Variants in TBX4 observed in about 807,000 individuals in gnomAD.
TBX4 encodes the protein T-box transcription factor TBX4.
TBX4 carries 13 observed loss-of-function variants against 54.6 expected under a neutral mutation model. The ratio of observed to expected loss-of-function variants is 0.24; its 90% CI spans 0.15 to 0.38. The LOEUF (loss-of-function observed/expected upper bound fraction) is 0.38, where lower values mean the gene tolerates loss of function less well. TBX4 is among the 10% of genes least tolerant of loss of function. The probability of loss-of-function intolerance (pLI) is 1.00; values close to 1 mark genes in which losing one functional copy is unlikely to be tolerated. For missense variants in TBX4, 631 were observed against 728.5 expected (o/e 0.87, Z 1.54); for synonymous variants, 314 against 306.7 (o/e 1.02, Z -0.25).
At chr17:61,468,582 C>T (rs1465710072) in intron 5 of TBX4, among the ~76,000 whole-genome samples, 3 of 152,194 alleles carry the variant, frequency 2.0e-5, no homozygotes, top group African/African-American at 7.2e-5. Context: ...TCCAGCCATG[C>T]TTCTTTTCTG....
At chr17:61,455,261 C>T (rs1344876977) in intron 1 of TBX4, among the ~76,000 whole-genome samples, 1 of 152,102 alleles carries the variant, frequency 6.6e-6, no homozygotes, top group South Asian at 2.1e-4. Flanking sequence ...ACAAGATGGG[C>T]GAGAGGCCTG....
rs1201139684 is a variant in TBX4 at position 61,483,097 on chromosome 17, G to C, written c.1222G>C (p.Val408Leu). ...GCCCGAGATTGCCGGGGTGTCTGGG[G>C]TGGACGACCTGCCCCCACCTCCGCT... ...SGPEIAGVSG[V>L]DDLPPPPLSC... Residue 408 changes from valine (V) to leucine (L), a missense_variant, in exon 9 of 9, where the codon GTG (valine) becomes CTG (leucine). Coordinates refer to ENST00000644296, the MANE Select transcript of TBX4 (RefSeq NM_001321120.2). This position sits in a 1 kb window ranked among gnomAD's most constrained non-coding sequence, Gnocchi z 6.6. The C allele has an allele frequency of 2.5e-6, 4 of 1,614,110 alleles. No homozygotes were observed. Among genetic ancestry groups the C allele is most frequent in the Non-Finnish European group, 3.4e-6 (4 of 1,180,032 alleles).
In TBX4 at chr17:61,459,156, T is replaced by C. The variant is rs1402656929; in HGVS notation, c.281+1525T>C. On this transcript the variant is annotated intron_variant, in intron 3 of 8. Transcript: ENST00000644296. This position sits in a 1 kb window ranked among gnomAD's most constrained non-coding sequence, Gnocchi z 4.8. The stretch of plus-strand genomic sequence containing the variant: ...GAAGGGGCTGGCAGAGGGTGCGACA[T>C]GGAGCAGGCATTGAGGACAGTGGAA... Among the ~76,000 whole-genome samples, 1 of 152,234 alleles carries C rather than the reference T, an allele frequency of 6.6e-6. No individual in the cohort carries two copies. The highest frequency in any genetic ancestry group is 1.5e-5 in the Non-Finnish European group (1 of 68,044).
chr17:61,481,163 C>T lies in TBX4; in HGVS notation c.1021+844C>T, dbSNP rs931780501. Among the ~76,000 whole-genome samples the T allele has an allele frequency of 1.3e-5, 2 of 152,126 alleles. No individual in the cohort carries two copies. The highest frequency in any genetic ancestry group is 1.3e-4 in the Admixed American group (2 of 15,266). On this transcript the variant is annotated intron_variant, in intron 8 of 8. Coordinates refer to ENST00000644296, the MANE Select transcript of TBX4 (RefSeq NM_001321120.2). The surrounding 1 kb of genome is among the most constrained non-coding windows in gnomAD (Gnocchi z 4.8). ...GCACGGGTTGGCAAACTGTGGCCTT[C>T]GGACCTAACCCAGCCTGCTACCTGT...
intron 4 of TBX4, 150 bp downstream of exon 4, chr17:61,466,088 G>T: frequency 7.5e-7 from 1 of 1,330,224 alleles, no homozygotes; most frequent in African/African-American, 1.4e-5. Context: ...TGGCTGTGCG[G>T]AGGCTGAGGT....
rs2060487357 is a variant in TBX4, at chr17:61,460,544, G to A, written c.281+2913G>A. Among the ~76,000 whole-genome samples, 1 of 152,124 alleles carries A rather than the reference G, an allele frequency of 6.6e-6. No homozygotes were observed. Among genetic ancestry groups the A allele is most frequent in the Non-Finnish European group, 1.5e-5 (1 of 68,030 alleles). ...TTTCTGAATACTCAGCGACCTCCAT[G>A]TCAGGTGTGAAATGGGGGCCACAGC... On this transcript the variant is annotated intron_variant, in intron 3 of 8. Transcript: ENST00000644296. This position sits in a 1 kb window ranked among gnomAD's most constrained non-coding sequence, Gnocchi z 4.4.
rs745791793 is a variant in TBX4 at position 61,483,113 on chromosome 17, C to A, written c.1238C>A (p.Pro413Gln). 1.9e-6 allele frequency: 3 copies of A among 1,614,058 alleles called. No homozygotes were observed. Among genetic ancestry groups the A allele is most frequent in the African/African-American group, 1.3e-5 (1 of 74,916 alleles). ...GTGTCTGGGGTGGACGACCTGCCCC[C>A]ACCTCCGCTGAGCTGTAACATGTGG... Reference protein sequence around the residue: ...AGVSGVDDLPPPPLSCNMWTS... With the variant: ...AGVSGVDDLPQPPLSCNMWTS... Residue 413 changes from proline to glutamine, a missense_variant, in exon 9 of 9, where the codon CCA becomes CAA. Around this residue, in one of 3 missense-constraint regions of TBX4, gnomAD observed 354 missense variants for 368.9 expected, o/e 0.96. Transcript: ENST00000644296. The surrounding 1 kb of genome is among the most constrained non-coding windows in gnomAD (Gnocchi z 6.6).
chr17:61,467,806 C>T, intron 5 of TBX4, 149 bp downstream of exon 5: 1 of 967,950 alleles, frequency 1.0e-6, no homozygotes, highest in Non-Finnish European at 1.5e-6. Flanking sequence ...GAGCTCAAGC[C>T]TCTGAGGCCT....
chr17:61,472,125 ATTC>A lies in TBX4; in HGVS notation c.549+4471_549+4473del, dbSNP rs1174474891. Among the ~76,000 whole-genome samples, 27 of 151,964 alleles carry A rather than the reference ATTC, an allele frequency of 1.8e-4. No individual in the cohort carries two copies. Among genetic ancestry groups the A allele is most frequent in the Admixed American group, 1.8e-3 (27 of 15,268 alleles). On this transcript the variant is annotated intron_variant, in intron 5 of 8. Coordinates refer to ENST00000644296, the MANE Select transcript of TBX4 (RefSeq NM_001321120.2). The surrounding 1 kb of genome is among the most constrained non-coding windows in gnomAD (Gnocchi z 4.5). ...TGTTGAAGGAATTAGATGTTTTTTT[ATTC>A]TTTGCTCTTCTGATTAAGCTTGTAC...
At position 61,478,900 on chromosome 17, in the gene TBX4, A is replaced by G; in HGVS notation, c.702+121A>G. On this transcript the variant is annotated intron_variant, in intron 6 of 8. Coordinates refer to ENST00000644296, the MANE Select transcript of TBX4 (RefSeq NM_001321120.2). The surrounding 1 kb of genome is among the most constrained non-coding windows in gnomAD (Gnocchi z 7.4). ...AGCAGGGCTTGGGCAGGCCCAGTGC[A>G]GGGACCTCAGAAGCCTAGAGTCCCT... The G allele has an allele frequency of 6.6e-7, 1 of 1,511,560 alleles. No homozygotes were observed. The highest frequency in any genetic ancestry group is 1.7e-5 in the Admixed American group (1 of 58,564). The allele number at this position is 1,511,560 out of a possible 1,614,324, so 93.6% of individuals were successfully genotyped here.
In TBX4 at chr17:61,461,876, A is replaced by C. The variant is rs930516538; in HGVS notation, c.282-3943A>C. 2.0e-5 allele frequency among the ~76,000 whole-genome samples: 3 copies of C among 151,814 alleles called. No individual in the cohort carries two copies. The highest frequency in any genetic ancestry group is 2.9e-5 in the Non-Finnish European group (2 of 67,944). ...TGGAGTCCCCAGGGACCTCCGAGAAAGTCGGGGCTGCAGCGGGGTTGGGGC... is the reference window on the plus strand; with the variant it reads ...TGGAGTCCCCAGGGACCTCCGAGAACGTCGGGGCTGCAGCGGGGTTGGGGC... On this transcript the variant is annotated intron_variant, in intron 3 of 8. Transcript: ENST00000644296. The surrounding 1 kb of genome is among the most constrained non-coding windows in gnomAD (Gnocchi z 5.1).
At chr17:61,477,941 C>CA (rs10617980) in intron 5 of TBX4, among the ~76,000 whole-genome samples, 11,459 of 88,310 alleles carry the variant, frequency 0.13, 776 homozygotes, top group East Asian at 0.35. Context: ...GATTCCATCT[C>CA]AAAAAAAAAA....
chr17:61,470,459 A>G (rs1038516882), intron 5 of TBX4, among the ~76,000 whole-genome samples: 14 of 152,340 alleles, frequency 9.2e-5, no homozygotes, highest in Admixed American at 3.9e-4. Context: ...GCCCTGGAAC[A>G]GGAACCTCTC....
Position 61,478,604 on chromosome 17 carries a change from A to G in TBX4, c.550-23A>G, listed in dbSNP as rs2060639148. 1 of 1,614,096 alleles carries G rather than the reference A, an allele frequency of 6.2e-7. No homozygotes were observed. The highest frequency in any genetic ancestry group is 8.5e-7 in the Non-Finnish European group (1 of 1,180,028). ...GCTTGCGGATGGGGACCTGGAGCTC[A>G]GCATGAGACCCTTCTCTTCCAGATC... On this transcript the variant is annotated intron_variant, in intron 5 of 8. Transcript: ENST00000644296. The surrounding 1 kb of genome is among the most constrained non-coding windows in gnomAD (Gnocchi z 7.4).
chr17:61,456,389 C>A (rs537562420), intron 1 of TBX4, 99 bp from the exon 2 acceptor site: 2 of 1,495,170 alleles, frequency 1.3e-6, no homozygotes, highest in Non-Finnish European at 1.8e-6. Flanking sequence ...GGGCTGCCTC[C>A]GCGCCCCGCA....
At position 61,478,943 on chromosome 17, in the gene TBX4, C is replaced by T. The variant is rs980286487; in HGVS notation, c.702+164C>T. On this transcript the variant is annotated intron_variant, in intron 6 of 8. Coordinates refer to ENST00000644296, the MANE Select transcript of TBX4 (RefSeq NM_001321120.2). This position sits in a 1 kb window ranked among gnomAD's most constrained non-coding sequence, Gnocchi z 7.4. Reference sequence around the variant, plus strand: ...GAGTCCCTCGGAGCCGCGAGCAAATCGAATGATGAACAGAAAAGGACCCTA... The same window carrying T: ...GAGTCCCTCGGAGCCGCGAGCAAATTGAATGATGAACAGAAAAGGACCCTA... 6.6e-6 allele frequency among the ~76,000 whole-genome samples: 1 copy of T among 152,166 alleles called. No homozygotes were observed. Among genetic ancestry groups the T allele is most frequent in the Admixed American group, 6.5e-5 (1 of 15,274 alleles).
chr17:61,465,664 A>C lies in TBX4; in HGVS notation c.282-155A>C. The C allele has an allele frequency of 1.1e-6, 1 of 932,910 alleles. No individual in the cohort carries two copies. Among genetic ancestry groups the C allele is most frequent in the Non-Finnish European group, 1.7e-6 (1 of 590,846 alleles). The allele number at this position is 932,910 out of a possible 1,614,324, so 57.8% of individuals were successfully genotyped here. A position where few individuals can be genotyped will look rare whatever the true frequency, so the allele number is the denominator to read the frequency against. The stretch of plus-strand genomic sequence containing the variant: ...CACTGTGCAGCTCGGGCAGAGGGGG[A>C]AGTGAGTTGTGCAGGTCACACAGCT... On this transcript the variant is annotated intron_variant, in intron 3 of 8. Coordinates refer to ENST00000644296, the MANE Select transcript of TBX4 (RefSeq NM_001321120.2). The surrounding 1 kb of genome is among the most constrained non-coding windows in gnomAD (Gnocchi z 4.9).
intron 5 of TBX4, among the ~76,000 whole-genome samples, chr17:61,471,542 C>CTTTT (rs1223655366): frequency 7.6e-6 from 1 of 131,402 alleles, no homozygotes; most frequent in Non-Finnish European, 1.6e-5. Flanking sequence ...TTCTTTTCAG[C>CTTTT]ATTTTTTTTT....
chr17:61,475,223 A>G lies in TBX4; in HGVS notation c.550-3404A>G, dbSNP rs1297580787. Among the ~76,000 whole-genome samples, 1 of 152,154 alleles carries G rather than the reference A, an allele frequency of 6.6e-6. No individual in the cohort carries two copies. The highest frequency in any genetic ancestry group is 6.6e-5 in the Admixed American group (1 of 15,266). The stretch of plus-strand genomic sequence containing the variant: ...ACTCTCTCCACCCTAGTCATCAGGG[A>G]CTTTGTCTGACGGGCTAAGGAGTTT... On this transcript the variant is annotated intron_variant, in intron 5 of 8. Transcript: ENST00000644296. The surrounding 1 kb of genome is among the most constrained non-coding windows in gnomAD (Gnocchi z 5.0).
Sources: gnomAD v4.1 joint callset for allele counts (sites outside exome capture counted in the v4.1 genomes callset) on GRCh38, gnomAD v4.1.1 for gene constraint, gnomAD v4.1.1 regional missense constraint, Gnocchi (gnomAD v3.1) non-coding constraint, MANE v1.5 for transcripts, NCBI Gene and HGNC (gene_info 2026-07-23, HGNC 2026-07-21) for gene names.